COLGALT1: variants seen among roughly 807,000 people sequenced by gnomAD.
COLGALT1 encodes the protein procollagen galactosyltransferase 1.
A neutral mutation model predicts 60.8 loss-of-function variants in COLGALT1; 43 were observed. The ratio of observed to expected loss-of-function variants is 0.71; its 90% CI spans 0.55 to 0.91. The LOEUF (loss-of-function observed/expected upper bound fraction) is 0.91. Among genes scored for constraint, COLGALT1 ranks in the 40% least tolerant of loss-of-function variants. The probability of loss-of-function intolerance (pLI) is 0.00; values close to 1 mark genes in which losing one functional copy is unlikely to be tolerated. For synonymous variants in COLGALT1, 369 were observed against 374.2 expected, an observed-to-expected ratio of 0.99 and a Z score of 0.16; for missense variants, 845 against 880.0, an observed-to-expected ratio of 0.96 and a Z score of 0.50.
At position 17,582,050 on chromosome 19, in the gene COLGALT1, AGGTG is replaced by A; in HGVS notation, c.*607_*610del. On this transcript the variant is annotated 3_prime_UTR_variant, in exon 12 of 12. Transcript: ENST00000252599. Reference sequence around the variant, plus strand: ...CGGCCTCCCAAGTAGCTGGGACTATAGGTGCGTGCCATCACATCTGGCTAGTTTT... The same window carrying A: ...CGGCCTCCCAAGTAGCTGGGACTATACGTGCCATCACATCTGGCTAGTTTT... 1 of 154,868 alleles carries A rather than the reference AGGTG, an allele frequency of 6.5e-6. No individual in the cohort carries two copies. Among genetic ancestry groups the A allele is most frequent in the Non-Finnish European group, 1.4e-5 (1 of 69,760 alleles). 9.6% of individuals were successfully genotyped at this position (154,868 alleles called of 1,614,324 possible).
Position 17,569,891 on chromosome 19 carries a change from CT to C in COLGALT1, c.829+1199del, listed in dbSNP as rs71162156. On this transcript the variant is annotated intron_variant, in intron 5 of 11. Transcript: ENST00000252599. ...CAGGCCAAACCTGGCCCACTAATTA[CT>C]TTTTTTTTTTTTTTTTTTTTGAGAC... 6.3e-4 allele frequency among the ~76,000 whole-genome samples: 62 copies of C among 98,726 alleles called. 1 individual carries two copies. The highest frequency in any genetic ancestry group is 4.1e-3 in the East Asian group (15 of 3,652). The allele number at this position is 98,726 out of a possible 152,430, so 64.8% of individuals were successfully genotyped here. A position where few individuals can be genotyped will look rare whatever the true frequency, so the allele number is the denominator to read the frequency against.
intron 3 of COLGALT1, among the ~76,000 whole-genome samples, chr19:17,561,479 C>T (rs2076248654): frequency 6.6e-6 from 1 of 151,654 alleles, no homozygotes; most frequent in African/African-American, 2.4e-5. Flanking sequence ...GGGGTGGTGG[C>T]CACATTGAAT....
intron 1 of COLGALT1, among the ~76,000 whole-genome samples, chr19:17,558,327 G>T (rs1341682370): frequency 6.7e-6 from 1 of 149,242 alleles, no homozygotes; most frequent in Non-Finnish European, 1.5e-5. Flanking sequence ...CACCCGCCTC[G>T]GCCTCTCAAA....
In COLGALT1 at chr19:17,581,414, A is replaced by T. The variant is rs376592002; in HGVS notation, c.1839A>T (p.Pro613=). The change falls in exon 12 of 12, where the codon CCA becomes CCT. Residue 613 remains proline, a synonymous_variant. Coordinates refer to ENST00000252599, the MANE Select transcript of COLGALT1 (RefSeq NM_024656.4). ...EAKNSDVLQS[P]LDSAARDEL ...AGAACTCGGACGTGCTCCAGTCCCC[A>T]CTGGACAGTGCTGCCCGGGATGAAC... The T allele has an allele frequency of 2.5e-6, 4 of 1,610,868 alleles. No individual in the cohort carries two copies. In the East Asian group the frequency reaches 8.9e-5, roughly 36 times the overall value.
intron 6 of COLGALT1, among the ~76,000 whole-genome samples, chr19:17,575,015 A>G (rs1401711718): frequency 1.3e-5 from 2 of 151,886 alleles, no homozygotes; most frequent in East Asian, 1.9e-4. Flanking sequence ...TGCCACTACC[A>G]TGCTCAGCTA....
intron 6 of COLGALT1, among the ~76,000 whole-genome samples, chr19:17,573,960 C>A (rs537421736): frequency 1.3e-4 from 20 of 152,164 alleles, no homozygotes; most frequent in Admixed American, 3.9e-4. Flanking sequence ...CCAGCCTGGG[C>A]AGCAGAGCCA....
At chr19:17,564,728 T>G (rs2076270669) in intron 3 of COLGALT1, among the ~76,000 whole-genome samples, 1 of 152,176 alleles carries the variant, frequency 6.6e-6, no homozygotes, top group African/African-American at 2.4e-5. Flanking sequence ...GCATCTAAAT[T>G]TTAATTGTAT....
intron 10 of COLGALT1, 22 bp downstream of exon 10, chr19:17,579,631 G>A (rs1179815782): frequency 6.2e-7 from 1 of 1,608,420 alleles, no homozygotes; most frequent in South Asian, 1.1e-5. Context: ...TCTGAGGATG[G>A]GGTGAAGCTG....
chr19:17,576,228 C>T (rs1362862438), intron 6 of COLGALT1, among the ~76,000 whole-genome samples: 1 of 152,152 alleles, frequency 6.6e-6, no homozygotes, highest in Non-Finnish European at 1.5e-5. Flanking sequence ...GGGGTTAGGG[C>T]AGCAAGGATG....
chr19:17,564,753 C>G (rs920089913), intron 3 of COLGALT1, among the ~76,000 whole-genome samples: 3 of 152,048 alleles, frequency 2.0e-5, no homozygotes, highest in Non-Finnish European at 4.4e-5. Flanking sequence ...TGGAGAGATT[C>G]ACTTTCTCCT....
At chr19:17,561,573 C>A (rs1256435820) in intron 3 of COLGALT1, among the ~76,000 whole-genome samples, 1 of 135,024 alleles carries the variant, frequency 7.4e-6, no homozygotes, top group African/African-American at 2.8e-5. Context: ...TTATTTTTTT[C>A]TCGAGCCAAG....
intron 3 of COLGALT1, among the ~76,000 whole-genome samples, chr19:17,561,631 C>CAAAAAAAAAAAAAAAAAAAAA (rs11332403): frequency 1.4e-5 from 1 of 72,732 alleles, no homozygotes; most frequent in Non-Finnish European, 2.5e-5. Flanking sequence ...GACTCTGTCT[C>CAAAAAAAAAAAAAAAAAAAAA]AAAAAAAAAA....
chr19:17,562,390 C>A (rs574362133), intron 3 of COLGALT1, among the ~76,000 whole-genome samples: 2 of 152,044 alleles, frequency 1.3e-5, no homozygotes, highest in African/African-American at 4.8e-5. Context: ...GGACCAGGCG[C>A]GGTGGCTCAT....
At position 17,571,511 on chromosome 19, in the gene COLGALT1, C is replaced by A. The variant is rs1290643576; in HGVS notation, c.830-972C>A. ...AGTGGATCACTTGAGGTCAGGATTT[C>A]GAGACCAGCCTGGCCAACGTGGTGA... is the stretch of plus-strand genomic sequence containing the variant. On this transcript the variant is annotated intron_variant, in intron 5 of 11. Transcript: ENST00000252599. Among the ~76,000 whole-genome samples the A allele has an allele frequency of 4.0e-5, 6 of 150,260 alleles. No homozygotes were observed. In the South Asian group the frequency reaches 1.3e-3, roughly 32 times the overall value.
At chr19:17,567,572 G>C (rs1270268359) in intron 4 of COLGALT1, 32 bp downstream of exon 4, 2 of 1,601,802 alleles carry the variant, frequency 1.2e-6, no homozygotes, top group Non-Finnish European at 1.7e-6. Context: ...TGTGGGGACT[G>C]GGCTGAGCAG....
intron 1 of COLGALT1, among the ~76,000 whole-genome samples, chr19:17,559,042 T>A (rs896156110): frequency 1.3e-5 from 2 of 151,974 alleles, no homozygotes; most frequent in Admixed American, 6.6e-5. Flanking sequence ...GCGCCTGTAG[T>A]CCCAGCTACT....
At chr19:17,556,010 G>C in intron 1 of COLGALT1, 37 bp downstream of exon 1, 3 of 1,286,980 alleles carry the variant, frequency 2.3e-6, no homozygotes, top group East Asian at 3.1e-5. Flanking sequence ...GGCGGGTCAC[G>C]CGAGCCCCTG....
At chr19:17,565,225 G>A (rs1442131129) in intron 3 of COLGALT1, among the ~76,000 whole-genome samples, 1 of 151,666 alleles carries the variant, frequency 6.6e-6, no homozygotes, top group Non-Finnish European at 1.5e-5. Context: ...GCACGATCTC[G>A]GCTCACTGCA....
Position 17,571,003 on chromosome 19 carries a change from G to A in COLGALT1, c.830-1480G>A, listed in dbSNP as rs540400722. Among the ~76,000 whole-genome samples the A allele has an allele frequency of 7.2e-5, 11 of 152,324 alleles. 1 individual carries two copies. The highest frequency in any genetic ancestry group is 2.0e-4 in the Admixed American group (3 of 15,286). Reference sequence around the variant, plus strand: ...TACCCAGCCAAGCCCATTCATTTAAGTGTCGTCTGTAGCTGCTTTCAAGTG... The same window carrying A: ...TACCCAGCCAAGCCCATTCATTTAAATGTCGTCTGTAGCTGCTTTCAAGTG... On this transcript the variant is annotated intron_variant, in intron 5 of 11. Transcript: ENST00000252599.
Sources: allele counts gnomAD v4.1 joint callset (sites outside exome capture counted in the v4.1 genomes callset), GRCh38; gene constraint gnomAD v4.1.1; transcripts MANE v1.5; gene names NCBI Gene and HGNC (gene_info 2026-07-23, HGNC 2026-07-21).